Variants in ANXA7 observed in about 807,000 individuals in gnomAD.
ANXA7 encodes the protein annexin A7.
In ANXA7, 55 loss-of-function variants were observed where a neutral mutation model predicts 64.9. The ratio of observed to expected loss-of-function variants is 0.85; its 90% CI spans 0.68 to 1.06. ANXA7 has a LOEUF of 1.06. Among genes scored for constraint, ANXA7 ranks in the 50% least tolerant of loss-of-function variants. The pLI is 0.00. For missense variants in ANXA7, 548 were observed against 582.1 expected (o/e 0.94, Z 0.60); for synonymous variants, 200 against 192.4 (o/e 1.04, Z -0.33).
intron 1 of ANXA7, among the ~76,000 whole-genome samples, chr10:73,412,123 G>A (rs2055852923): frequency 6.6e-6 from 1 of 152,204 alleles, no homozygotes; most frequent in South Asian, 2.1e-4. Flanking sequence ...TGCAACCTCC[G>A]CCTCCGGGGT....
chr10:73,401,552 T>C (rs2055665283), intron 1 of ANXA7, among the ~76,000 whole-genome samples: 1 of 151,716 alleles, frequency 6.6e-6, no homozygotes, highest in Non-Finnish European at 1.5e-5. Context: ...CAGGCTGGAG[T>C]GTAGTGGCAC....
chr10:73,395,803 A>C, intron 5 of ANXA7: 1 of 553,214 alleles, frequency 1.8e-6, no homozygotes, highest in Non-Finnish European at 3.3e-6. Context: ...AAAAAAAAAG[A>C]AGCCATACGG....
At chr10:73,398,043 G>T in intron 3 of ANXA7, 138 bp downstream of exon 3, 1 of 782,110 alleles carries the variant, frequency 1.3e-6, no homozygotes, top group Non-Finnish European at 1.9e-6. Flanking sequence ...CATCTTGCCA[G>T]CTAGGTCCTT....
At chr10:73,405,419 G>A (rs954909643) in intron 1 of ANXA7, among the ~76,000 whole-genome samples, 3 of 151,730 alleles carry the variant, frequency 2.0e-5, no homozygotes, top group African/African-American at 4.8e-5. Context: ...GCATGTGCCT[G>A]TAAGCCCAGC....
At chr10:73,402,792 C>G (rs1169100928) in intron 1 of ANXA7, among the ~76,000 whole-genome samples, 1 of 151,882 alleles carries the variant, frequency 6.6e-6, no homozygotes, top group Admixed American at 6.6e-5. Flanking sequence ...TTTGTATCCC[C>G]ATTCCCCCAT....
chr10:73,410,515 A>G (rs928591069), intron 1 of ANXA7, among the ~76,000 whole-genome samples: 2 of 152,120 alleles, frequency 1.3e-5, no homozygotes, highest in Non-Finnish European at 2.9e-5. Context: ...CGGGCGCGGT[A>G]GCCCCCATCT....
At chr10:73,381,937 G>A (rs1210792058) in intron 9 of ANXA7, among the ~76,000 whole-genome samples, 4 of 151,566 alleles carry the variant, frequency 2.6e-5, no homozygotes, top group Non-Finnish European at 5.9e-5. Context: ...GGAGTGCAAT[G>A]GCACAATCTC....
intron 12 of ANXA7, among the ~76,000 whole-genome samples, chr10:73,376,674 T>C (rs1423770265): frequency 6.6e-6 from 1 of 152,116 alleles, no homozygotes; most frequent in African/African-American, 2.4e-5. Flanking sequence ...CACTTCTGGG[T>C]ATATTCAAAA....
At chr10:73,392,869 A>C (rs918807239) in intron 5 of ANXA7, among the ~76,000 whole-genome samples, 28 of 152,328 alleles carry the variant, frequency 1.8e-4, no homozygotes, top group South Asian at 1.0e-3. Flanking sequence ...AGGCAGGAGA[A>C]AGAAATAAAG....
intron 7 of ANXA7, among the ~76,000 whole-genome samples, chr10:73,386,262 T>C (rs1016255426): frequency 6.6e-6 from 1 of 151,286 alleles, no homozygotes; most frequent in Non-Finnish European, 1.5e-5. Flanking sequence ...TGTTTTCCCA[T>C]TACATCTGAG....
chr10:73,379,587 C>G (rs2055240813), intron 11 of ANXA7, among the ~76,000 whole-genome samples: 1 of 152,186 alleles, frequency 6.6e-6, no homozygotes, highest in Non-Finnish European at 1.5e-5. Flanking sequence ...ATCAGGTATT[C>G]TGGCACAGTT....
rs75647244 is a variant in ANXA7 at position 73,402,126 on chromosome 10, C to A, written c.-1-1269G>T. 2.9e-4 allele frequency among the ~76,000 whole-genome samples: 44 copies of A among 152,262 alleles called. No homozygotes were observed. In the East Asian group the frequency reaches 8.3e-3, roughly 29 times the overall value. Reference sequence around the variant, plus strand: ...AACCACATTATGGGAAACAATGGTACAATGGTTAAGAGTTAACATTCTGGA... The same window carrying A: ...AACCACATTATGGGAAACAATGGTAAAATGGTTAAGAGTTAACATTCTGGA... On this transcript the variant is annotated intron_variant, in intron 1 of 12. Transcript: ENST00000372921.
chr10:73,380,176 A>T lies in ANXA7; in HGVS notation c.944T>A (p.Ile315Lys). ...ATCTTCCTGAGCCATTTGGTGGTTT[A>T]TACTCTGGTTCTCATCACGATTTCC... Reference protein sequence around the residue: ...CQGNRDENQSINHQMAQEDAQ... With the variant: ...CQGNRDENQSKNHQMAQEDAQ... Residue 315 changes from isoleucine (I) to lysine (K), a missense_variant, in exon 10 of 13, where the codon ATA (isoleucine) becomes AAA (lysine). Coordinates refer to ENST00000372921, the MANE Select transcript of ANXA7 (RefSeq NM_001156.5). 6.2e-7 allele frequency: 1 copy of T among 1,613,774 alleles called. No individual in the cohort carries two copies. Among genetic ancestry groups the T allele is most frequent in the African/African-American group, 1.3e-5 (1 of 75,040 alleles).
At chr10:73,404,334 T>C (rs1030840304) in intron 1 of ANXA7, among the ~76,000 whole-genome samples, 2 of 152,202 alleles carry the variant, frequency 1.3e-5, no homozygotes, top group South Asian at 2.1e-4. Context: ...GTTTGAAAGT[T>C]ATGTTCTTCA....
At chr10:73,407,659 G>A (rs943997274) in intron 1 of ANXA7, among the ~76,000 whole-genome samples, 3 of 152,258 alleles carry the variant, frequency 2.0e-5, no homozygotes, top group African/African-American at 7.2e-5. Context: ...CCCAACTCAA[G>A]TCAACATTTA....
intron 7 of ANXA7, among the ~76,000 whole-genome samples, chr10:73,386,536 A>G (rs1233807386): frequency 6.6e-6 from 1 of 152,230 alleles, no homozygotes; most frequent in African/African-American, 2.4e-5. Context: ...ACTTCAGAGT[A>G]GCTGATATTT....
rs142703167 is a variant in ANXA7 at position 73,390,693 on chromosome 10, A to AATATATAT, written c.436-2287_436-2280dup. On this transcript the variant is annotated intron_variant, in intron 5 of 12. Transcript: ENST00000372921. ...CATTTTCTGTGATTCTCTTTTGTAA[A>AATATATAT]ATATATATATATATATATATATATA... Among the ~76,000 whole-genome samples the AATATATAT allele has an allele frequency of 1.6e-3, 202 of 127,446 alleles. 1 individual carries two copies. The highest frequency in any genetic ancestry group is 5.5e-3 in the African/African-American group (165 of 29,860). The allele number at this position is 127,446 out of a possible 152,430, so 83.6% of individuals were successfully genotyped here.
At chr10:73,395,200 G>A (rs992467688) in intron 5 of ANXA7, among the ~76,000 whole-genome samples, 2 of 152,114 alleles carry the variant, frequency 1.3e-5, no homozygotes, top group Non-Finnish European at 2.9e-5. Flanking sequence ...TTCACTAGTT[G>A]TGTTGCCCTA....
intron 9 of ANXA7, 79 bp downstream of exon 9, chr10:73,383,096 G>A: frequency 1.5e-6 from 2 of 1,323,934 alleles, no homozygotes; most frequent in Middle Eastern, 1.9e-4. Context: ...ATATTAAAAG[G>A]AATAAAGAAT....
Sources: gnomAD v4.1 joint callset for allele counts (sites outside exome capture counted in the v4.1 genomes callset) on GRCh38, gnomAD v4.1.1 for gene constraint, MANE v1.5 for transcripts, NCBI Gene and HGNC (gene_info 2026-07-23, HGNC 2026-07-21) for gene names.